Variants in CCDC91 observed in about 807,000 individuals in gnomAD.
CCDC91 encodes coiled-coil domain-containing protein 91.
CCDC91 carries 48 observed loss-of-function variants against 63.2 expected under a neutral mutation model. The ratio of observed to expected loss-of-function variants is 0.76; its 90% CI spans 0.60 to 0.97. The LOEUF (loss-of-function observed/expected upper bound fraction) is 0.97, where lower values mean the gene tolerates loss of function less well. Among genes scored for constraint, CCDC91 ranks in the 50% least tolerant of loss-of-function variants. The probability of loss-of-function intolerance (pLI) is 0.00; values close to 1 mark genes in which losing one functional copy is unlikely to be tolerated. For missense variants in CCDC91, 500 were observed against 494.6 expected, an observed-to-expected ratio of 1.01 and a Z score of -0.10; for synonymous variants, 167 against 165.8, an observed-to-expected ratio of 1.01 and a Z score of -0.06.
At chr12:28,425,340 A>G (rs929063073) in intron 8 of CCDC91, among the ~76,000 whole-genome samples, 4 of 152,102 alleles carry the variant, frequency 2.6e-5, no homozygotes, top group Non-Finnish European at 5.9e-5. Context: ...GGAAAACCTT[A>G]GAGACACTTT....
At chr12:28,527,134 A>G (rs1478713665) in intron 12 of CCDC91, among the ~76,000 whole-genome samples, 1 of 151,470 alleles carries the variant, frequency 6.6e-6, no homozygotes, top group African/African-American at 2.4e-5. Flanking sequence ...CTTGGTCTGG[A>G]TTCATATTTG....
intron 8 of CCDC91, among the ~76,000 whole-genome samples, chr12:28,446,328 T>C (rs749679053): frequency 6.6e-6 from 1 of 152,176 alleles, no homozygotes; most frequent in Non-Finnish European, 1.5e-5. Context: ...GAATTTCCTT[T>C]CAGCATTTTT....
chr12:28,405,158 T>G (rs1946856921), intron 8 of CCDC91, among the ~76,000 whole-genome samples: 1 of 152,090 alleles, frequency 6.6e-6, no homozygotes, highest in Admixed American at 6.6e-5. Context: ...CTCTCCTGTC[T>G]TAGCCTATTA....
chr12:28,393,436 T>G (rs1010831182), intron 8 of CCDC91, among the ~76,000 whole-genome samples: 4 of 152,116 alleles, frequency 2.6e-5, no homozygotes, highest in Non-Finnish European at 5.9e-5. Context: ...TTTCTAAATT[T>G]AATATGTTTA....
At chr12:28,420,584 A>G (rs2139896196) in intron 8 of CCDC91, among the ~76,000 whole-genome samples, 1 of 152,118 alleles carries the variant, frequency 6.6e-6, no homozygotes, top group East Asian at 1.9e-4. Context: ...TACATGACCC[A>G]TGGAAAATGA....
At chr12:28,257,409 C>A (rs569197899) in intron 2 of CCDC91, among the ~76,000 whole-genome samples, 164 bp downstream of exon 2, 68 of 151,800 alleles carry the variant, frequency 4.5e-4, no homozygotes, top group African/African-American at 1.5e-3. Context: ...TAAAAAAAAA[C>A]CCTCTAAAAA....
At chr12:28,439,055 T>C (rs1322570309) in intron 8 of CCDC91, among the ~76,000 whole-genome samples, 1 of 152,164 alleles carries the variant, frequency 6.6e-6, no homozygotes, top group Non-Finnish European at 1.5e-5. Context: ...CATCTCCCAA[T>C]TTTTGTGTCA....
chr12:28,259,364 G>A lies in CCDC91; in HGVS notation c.31G>A (p.Ala11Thr). The A allele has an allele frequency of 7.5e-6, 12 of 1,609,822 alleles. No individual in the cohort carries two copies. Among genetic ancestry groups the A allele is most frequent in the Non-Finnish European group, 1.0e-5 (12 of 1,176,842 alleles). MDDDDFGGFEAAETFDGGSGE... is the reference protein window; with the variant it reads MDDDDFGGFETAETFDGGSGE... ...AAATAATCTTGCCTTTGTCTTGTAG[G>A]CTGCGGAGACTTTTGATGGTGGAAG... Residue 11 changes from alanine (A) to threonine (T), a missense_variant and splice_region_variant, in exon 3 of 13, where the codon GCT becomes ACT. Coordinates refer to ENST00000536442, the MANE Select transcript of CCDC91 (RefSeq NM_018318.5).
chr12:28,423,537 A>G (rs940486929), intron 8 of CCDC91, among the ~76,000 whole-genome samples: 1 of 152,138 alleles, frequency 6.6e-6, no homozygotes, highest in African/African-American at 2.4e-5. Context: ...ATTTATTGCT[A>G]TGAAAATATT....
At chr12:28,542,498 C>G (rs577910219) in intron 12 of CCDC91, among the ~76,000 whole-genome samples, 36 of 152,126 alleles carry the variant, frequency 2.4e-4, no homozygotes, top group Middle Eastern at 6.8e-3. Context: ...GAGACAGGAA[C>G]TCTGATTTGA....
intron 3 of CCDC91, among the ~76,000 whole-genome samples, chr12:28,268,014 T>C (rs1488134039): frequency 7.7e-6 from 1 of 129,106 alleles, no homozygotes; most frequent in African/African-American, 3.0e-5. Context: ...ATTATATGAT[T>C]AATAATTTAA....
At chr12:28,229,991 G>A (rs1468309428) in intron 1 of CCDC91, among the ~76,000 whole-genome samples, 1 of 152,052 alleles carries the variant, frequency 6.6e-6, no homozygotes, top group Non-Finnish European at 1.5e-5. Flanking sequence ...TTTTTATCAA[G>A]GCTAAACTTT....
chr12:28,356,022 G>T (rs1002720576), intron 6 of CCDC91, among the ~76,000 whole-genome samples: 3 of 151,938 alleles, frequency 2.0e-5, no homozygotes, highest in African/African-American at 7.3e-5. Context: ...CTTATCATGT[G>T]TGTTTTTTTT....
At chr12:28,383,955 T>A (rs1945447865) in intron 7 of CCDC91, among the ~76,000 whole-genome samples, 1 of 152,164 alleles carries the variant, frequency 6.6e-6, no homozygotes, top group Admixed American at 6.6e-5. Context: ...TTCTTCTGAA[T>A]TATAGGCAAA....
intron 8 of CCDC91, among the ~76,000 whole-genome samples, chr12:28,402,520 A>ATTTTTT (rs57398967): frequency 2.3e-4 from 12 of 51,890 alleles, no homozygotes; most frequent in Non-Finnish European, 3.4e-4. Context: ...AGTTCCAGGA[A>ATTTTTT]TTTTTTTTTT....
chr12:28,305,283 T>C (rs1938588518), intron 3 of CCDC91, among the ~76,000 whole-genome samples: 1 of 152,030 alleles, frequency 6.6e-6, no homozygotes, highest in Admixed American at 6.6e-5. Flanking sequence ...TTTAAAAAAA[T>C]TAAATGGATT....
At chr12:28,355,046 T>C (rs1943431735) in intron 6 of CCDC91, among the ~76,000 whole-genome samples, 1 of 152,118 alleles carries the variant, frequency 6.6e-6, no homozygotes, top group Non-Finnish European at 1.5e-5. Context: ...CTTCCCTTGC[T>C]GTCCTTCCTT....
chr12:28,312,872 C>G (rs1264189425), intron 6 of CCDC91, among the ~76,000 whole-genome samples: 1 of 152,052 alleles, frequency 6.6e-6, no homozygotes, highest in African/African-American at 2.4e-5. Context: ...GTGCCTTTCA[C>G]TTTCCGTCAT....
intron 6 of CCDC91, among the ~76,000 whole-genome samples, chr12:28,325,238 A>G (rs1231593887): frequency 6.6e-6 from 1 of 152,046 alleles, no homozygotes; most frequent in Non-Finnish European, 1.5e-5. Flanking sequence ...AACTAAAATT[A>G]ATAGATACCG....
Sources: allele counts gnomAD v4.1 joint callset (sites outside exome capture counted in the v4.1 genomes callset), GRCh38; gene constraint gnomAD v4.1.1; transcripts MANE v1.5; gene names NCBI Gene and HGNC (gene_info 2026-07-23, HGNC 2026-07-21).